The following CEMIP2 variants were observed in gnomAD, a reference collection of about 807,000 sequenced individuals.
CEMIP2 encodes the protein cell surface hyaluronidase CEMIP2.
A neutral mutation model predicts 146.9 loss-of-function variants in CEMIP2; 79 were observed. That is an observed-to-expected ratio of 0.54 (90% CI 0.45 to 0.65). CEMIP2 has a LOEUF of 0.65. Among genes scored for constraint, CEMIP2 ranks in the 30% least tolerant of loss-of-function variants. The pLI, the probability that CEMIP2 is intolerant of heterozygous loss-of-function variation, is 0.00. For missense variants in CEMIP2, 1,596 were observed against 1,696.2 expected (o/e 0.94, Z 1.04); for synonymous variants, 601 against 606.3 (o/e 0.99, Z 0.13).
At chr9:71,714,131 GC>G (rs1822982898) in intron 15 of CEMIP2, among the ~76,000 whole-genome samples, 1 of 152,122 alleles carries the variant, frequency 6.6e-6, no homozygotes, top group African/African-American at 2.4e-5. Flanking sequence ...CCATTCCTCT[GC>G]CTTGTTCTAG....
intron 14 of CEMIP2, among the ~76,000 whole-genome samples, chr9:71,715,648 A>ATATG (rs967444649): frequency 0.012 from 1,654 of 134,208 alleles, 27 homozygotes; most frequent in Middle Eastern, 0.059. Context: ...ATATATATAT[A>ATATG]CTTTTTTTTT....
chr9:71,727,225 T>C (rs1014540019), intron 10 of CEMIP2, among the ~76,000 whole-genome samples: 2 of 152,206 alleles, frequency 1.3e-5, no homozygotes, highest in Non-Finnish European at 2.9e-5. Flanking sequence ...CTCGGCAATT[T>C]GCTTTAATCT....
chr9:71,744,955 C>A, intron 4 of CEMIP2, 63 bp downstream of exon 4: 2 of 1,523,020 alleles, frequency 1.3e-6, no homozygotes, highest in Non-Finnish European at 1.8e-6. Flanking sequence ...CCTTTCCCCA[C>A]CCTCACTCTC....
chr9:71,698,277 C>T, intron 19 of CEMIP2, 73 bp from the exon 20 acceptor site: 1 of 1,337,108 alleles, frequency 7.5e-7, no homozygotes, highest in East Asian at 2.3e-5. Context: ...CAAATCAGCT[C>T]ATGGCCAAAA....
At position 71,702,310 on chromosome 9, in the gene CEMIP2, A is replaced by G. The variant is rs140021028; in HGVS notation, c.3195-1486T>C. Among the ~76,000 whole-genome samples, 857 of 152,148 alleles carry G rather than the reference A, an allele frequency of 5.6e-3. 5 individuals are homozygous for G. The highest frequency in any genetic ancestry group is 0.02 in the African/African-American group (832 of 41,486). On this transcript the variant is annotated intron_variant, in intron 18 of 23. Coordinates refer to ENST00000377044, the MANE Select transcript of CEMIP2 (RefSeq NM_013390.3). Reference sequence around the variant, plus strand: ...GTTCACCTAGGTTTTCAAGTGAAAAAAATAACCCCACTAAAGAATAACTAG... The same window carrying G: ...GTTCACCTAGGTTTTCAAGTGAAAAGAATAACCCCACTAAAGAATAACTAG...
At chr9:71,731,995 C>T (rs1317066350) in intron 7 of CEMIP2, among the ~76,000 whole-genome samples, 1 of 151,986 alleles carries the variant, frequency 6.6e-6, no homozygotes, top group African/African-American at 2.4e-5. Context: ...TAATACTATG[C>T]TTTTTAAAAA....
At chr9:71,757,183 A>C (rs1187105200) in intron 1 of CEMIP2, among the ~76,000 whole-genome samples, 1 of 152,220 alleles carries the variant, frequency 6.6e-6, no homozygotes, top group Non-Finnish European at 1.5e-5. Flanking sequence ...CAAGAAATGC[A>C]TATTGGCCCC....
intron 1 of CEMIP2, among the ~76,000 whole-genome samples, chr9:71,763,837 G>C (rs751840752): frequency 3.9e-5 from 6 of 152,164 alleles, no homozygotes; most frequent in Non-Finnish European, 8.8e-5. Flanking sequence ...TTTTTTTAAA[G>C]ACATTTTAAT....
At chr9:71,711,955 C>A (rs1264572769) in intron 16 of CEMIP2, 128 bp downstream of exon 16, 1 of 952,020 alleles carries the variant, frequency 1.1e-6, no homozygotes, top group Non-Finnish European at 1.6e-6. Flanking sequence ...TAGGAGCTGG[C>A]TCTGTGTGTA....
intron 4 of CEMIP2, among the ~76,000 whole-genome samples, chr9:71,743,737 G>A (rs1045096486): frequency 7.9e-5 from 12 of 152,098 alleles, no homozygotes; most frequent in Admixed American, 7.2e-4. Context: ...GCATCCATGG[G>A]TATCCAGCAC....
At chr9:71,752,954 AGAT>A (rs1439626651) in intron 1 of CEMIP2, among the ~76,000 whole-genome samples, 1 of 152,212 alleles carries the variant, frequency 6.6e-6, no homozygotes, top group East Asian at 1.9e-4. Context: ...GTAATTATTT[AGAT>A]GAAGCTCAAG....
chr9:71,754,923 A>G (rs1196632689), intron 1 of CEMIP2, among the ~76,000 whole-genome samples: 2 of 152,214 alleles, frequency 1.3e-5, no homozygotes, highest in Non-Finnish European at 2.9e-5. Context: ...AATGCTGGAA[A>G]AACATAAGCA....
intron 1 of CEMIP2, among the ~76,000 whole-genome samples, chr9:71,761,284 A>T (rs1057224515): frequency 2.6e-5 from 4 of 152,258 alleles, no homozygotes; most frequent in Non-Finnish European, 5.9e-5. Flanking sequence ...CAAGAAAGTT[A>T]TGTTGGCAAA....
chr9:71,709,866 T>C (rs1460374956), intron 16 of CEMIP2, among the ~76,000 whole-genome samples: 4 of 152,212 alleles, frequency 2.6e-5, no homozygotes, highest in African/African-American at 9.6e-5. Context: ...AAACTGTACA[T>C]GTAAGATCTG....
rs370022836 is a variant in CEMIP2, at chr9:71,689,530, T to C, written c.3851+562A>G. Among the ~76,000 whole-genome samples the C allele has an allele frequency of 7.2e-5, 11 of 152,320 alleles. No individual in the cohort carries two copies. The East Asian group carries it at 2.1e-3, about 29-fold the overall frequency. On this transcript the variant is annotated intron_variant, in intron 22 of 23. Coordinates refer to ENST00000377044, the MANE Select transcript of CEMIP2 (RefSeq NM_013390.3). Reference sequence around the variant, plus strand: ...TCAGACTAGTGCTCTGTAAGAGCGATTGCACACTCAGCCACTTCAAAAATC... The same window carrying C: ...TCAGACTAGTGCTCTGTAAGAGCGACTGCACACTCAGCCACTTCAAAAATC...
intron 10 of CEMIP2, among the ~76,000 whole-genome samples, chr9:71,728,743 G>A (rs1406996223): frequency 6.6e-6 from 1 of 151,956 alleles, no homozygotes. Context: ...TGACCAGAGT[G>A]ACAACTGTCA....
intron 4 of CEMIP2, among the ~76,000 whole-genome samples, chr9:71,744,748 T>C (rs1824024126): frequency 6.6e-6 from 1 of 152,140 alleles, no homozygotes; most frequent in Non-Finnish European, 1.5e-5. Context: ...TGCCTGACTG[T>C]TTTTCAGTAC....
chr9:71,722,478 T>G lies in CEMIP2; in HGVS notation c.2216A>C (p.Asn739Thr). 6.2e-7 allele frequency: 1 copy of G among 1,613,780 alleles called. No homozygotes were observed. The highest frequency in any genetic ancestry group is 8.5e-7 in the Non-Finnish European group (1 of 1,179,876). Residue 739 changes from asparagine (N) to threonine (T), a missense_variant, in exon 12 of 24, where the codon AAC (asparagine) becomes ACC (threonine). Physicochemically the swap from Asn to Thr is moderately conservative, Grantham distance 65. Transcript: ENST00000377044. ...TTCCCTTGGGTCAGCAGCACTAGAG[T>G]TGGTTGTTTTGACACCTTTGTCAAT... ...LFIDKGVKTT[N>T]SSAADPREYL...
At chr9:71,692,031 C>T (rs1822242572) in intron 21 of CEMIP2, among the ~76,000 whole-genome samples, 1 of 151,718 alleles carries the variant, frequency 6.6e-6, no homozygotes, top group Non-Finnish European at 1.5e-5. Context: ...ATCTCTTGAA[C>T]CCAGAAGGCA....
Sources: allele counts gnomAD v4.1 joint callset (sites outside exome capture counted in the v4.1 genomes callset), GRCh38; gene constraint gnomAD v4.1.1; transcripts MANE v1.5; gene names NCBI Gene and HGNC (gene_info 2026-07-23, HGNC 2026-07-21).